ESF1: variants seen among roughly 807,000 people sequenced by gnomAD.
The protein encoded by ESF1 is ESF1 homolog.
Under a neutral mutation model 92.0 loss-of-function variants are expected in ESF1, and 58 were observed. The observed-to-expected ratio is 0.63, with a 90% CI of 0.51 to 0.78. ESF1 has a LOEUF of 0.78. ESF1 is among the 30% of genes least tolerant of loss of function. The pLI, the probability that ESF1 is intolerant of heterozygous loss-of-function variation, is 0.00. For synonymous variants in ESF1, 321 were observed against 313.7 expected (o/e 1.02, Z -0.24); for missense variants, 922 against 989.1 (o/e 0.93, Z 0.91).
intron 9 of ESF1, among the ~76,000 whole-genome samples, chr20:13,756,776 A>G (rs1978917322): frequency 6.6e-6 from 1 of 152,330 alleles, no homozygotes; most frequent in East Asian, 1.9e-4. Context: ...AATGCTAGGC[A>G]TCAGCTTCTC....
chr20:13,775,076 T>C, intron 4 of ESF1, 81 bp downstream of exon 4: 3 of 858,992 alleles, frequency 3.5e-6, no homozygotes, highest in East Asian at 2.7e-5. Context: ...AAAGGAAAAC[T>C]ATGGCCAAAA....
In ESF1 at chr20:13,722,917, T is replaced by C. The variant is rs189679999; in HGVS notation, c.2039-3933A>G. Among the ~76,000 whole-genome samples the C allele has an allele frequency of 1.8e-3, 273 of 152,168 alleles. 1 individual carries two copies. Among genetic ancestry groups the C allele is most frequent in the Non-Finnish European group, 2.0e-3 (137 of 68,000 alleles). On this transcript the variant is annotated intron_variant, in intron 11 of 13. Coordinates refer to ENST00000617257, the MANE Select transcript of ESF1 (RefSeq NM_001276380.2). ...GACTGCTGCAAAAAATACATATGGA[T>C]TGATTCTATTAAGTCAATACTAACA...
chr20:13,719,561 G>A (rs559279832), intron 11 of ESF1, among the ~76,000 whole-genome samples: 3 of 147,982 alleles, frequency 2.0e-5, no homozygotes, highest in African/African-American at 7.4e-5. Flanking sequence ...AACTGCTGTT[G>A]AGCAATTTGT....
intron 10 of ESF1, among the ~76,000 whole-genome samples, chr20:13,728,784 T>C (rs537304568): frequency 6.6e-6 from 1 of 151,920 alleles, no homozygotes; most frequent in African/African-American, 2.4e-5. Flanking sequence ...GGAGAATCAC[T>C]TGAACCCAGG....
chr20:13,720,179 A>T (rs543790286), intron 11 of ESF1, among the ~76,000 whole-genome samples: 1 of 152,174 alleles, frequency 6.6e-6, no homozygotes, highest in Non-Finnish European at 1.5e-5. Context: ...CTTTCCTTGT[A>T]CCCAAGCTGT....
Position 13,779,218 on chromosome 20 carries a change from C to CA in ESF1, c.638-2949dup, listed in dbSNP as rs200137216. ...TTATCCAGCTACTTCAAACAAAAAA[C>CA]AAAAAAAAACCAAAAAAACTGCTTT... is the stretch of plus-strand genomic sequence containing the variant. On this transcript the variant is annotated intron_variant, in intron 2 of 13. Coordinates refer to ENST00000617257, the MANE Select transcript of ESF1 (RefSeq NM_001276380.2). Among the ~76,000 whole-genome samples, 329 of 149,478 alleles carry CA rather than the reference C, an allele frequency of 2.2e-3. 1 individual carries two copies. The highest frequency in any genetic ancestry group is 0.01 in the Middle Eastern group (3 of 290).
At chr20:13,778,671 G>T (rs1980050578) in intron 2 of ESF1, among the ~76,000 whole-genome samples, 1 of 152,092 alleles carries the variant, frequency 6.6e-6, no homozygotes, top group South Asian at 2.1e-4. Context: ...TAATAATAAA[G>T]TGTTGCATAA....
chr20:13,715,639 C>T (rs1568705541), intron 13 of ESF1, among the ~76,000 whole-genome samples: 1 of 152,066 alleles, frequency 6.6e-6, no homozygotes, highest in Non-Finnish European at 1.5e-5. Flanking sequence ...TGAAGGTGAT[C>T]CATGGATCAA....
chr20:13,717,303 A>G lies in ESF1; in HGVS notation c.2262+65T>C, dbSNP rs574181076. 1.0e-3 allele frequency: 1,564 copies of G among 1,568,742 alleles called. 2 individuals are homozygous for G. The highest frequency in any genetic ancestry group is 1.2e-3 in the Non-Finnish European group (1,402 of 1,148,526). On this transcript the variant is annotated intron_variant, in intron 13 of 13. Transcript: ENST00000617257. ...GTAACTTTGACTATGCTCAATTTCT[A>G]TCTGCAGAGCTGACTTTAGATTCAA... is the stretch of plus-strand genomic sequence containing the variant.
At chr20:13,756,074 C>A (rs548507215) in intron 9 of ESF1, among the ~76,000 whole-genome samples, 1 of 152,284 alleles carries the variant, frequency 6.6e-6, no homozygotes, top group Admixed American at 6.5e-5. Context: ...ACAGAAAACA[C>A]ACATTTCTTA....
At chr20:13,766,121 T>G (rs897489611) in intron 8 of ESF1, among the ~76,000 whole-genome samples, 1 of 152,218 alleles carries the variant, frequency 6.6e-6, no homozygotes, top group Non-Finnish European at 1.5e-5. Context: ...GATTAAAAAT[T>G]TAAGAGTAGA....
At chr20:13,784,335 T>C (rs1042451088) in intron 1 of ESF1, among the ~76,000 whole-genome samples, 5 of 140,194 alleles carry the variant, frequency 3.6e-5, no homozygotes, top group African/African-American at 1.3e-4. Flanking sequence ...AAAAATCAAG[T>C]CCTTTTAATT....
At chr20:13,717,244 G>A in intron 13 of ESF1, 124 bp downstream of exon 13, 1 of 1,162,084 alleles carries the variant, frequency 8.6e-7, no homozygotes, top group Non-Finnish European at 1.2e-6. Flanking sequence ...ATAGGCGTGA[G>A]CCACTGCACC....
intron 2 of ESF1, among the ~76,000 whole-genome samples, chr20:13,781,579 A>G (rs1980190526): frequency 6.6e-6 from 1 of 152,168 alleles, no homozygotes; most frequent in Admixed American, 6.5e-5. Context: ...TCACCAAGCC[A>G]TGCACTCTGG....
intron 8 of ESF1, among the ~76,000 whole-genome samples, chr20:13,760,529 G>A (rs186398814): frequency 0.017 from 2,511 of 145,044 alleles, 19 homozygotes; most frequent in Non-Finnish European, 0.024. Context: ...CAGCCACCCC[G>A]TCTGAGAAGT....
chr20:13,767,081 T>C (rs1979462907), intron 7 of ESF1, among the ~76,000 whole-genome samples, 157 bp from the exon 8 acceptor site: 1 of 152,168 alleles, frequency 6.6e-6, no homozygotes, highest in Non-Finnish European at 1.5e-5. Flanking sequence ...ATAAATAGTA[T>C]CCTATTTGTG....
intron 4 of ESF1, among the ~76,000 whole-genome samples, chr20:13,774,824 T>C (rs920698963): frequency 1.3e-5 from 2 of 152,232 alleles, no homozygotes; most frequent in Non-Finnish European, 2.9e-5. Flanking sequence ...GTTTTGTTTC[T>C]AGTATAATTA....
chr20:13,748,533 CAT>C (rs1223573521), intron 9 of ESF1, among the ~76,000 whole-genome samples: 13 of 121,846 alleles, frequency 1.1e-4, no homozygotes, highest in African/African-American at 3.1e-4. Context: ...TATATATACA[CAT>C]ATATATGTGT....
Position 13,783,062 on chromosome 20 carries a change from C to G in ESF1, c.79G>C (p.Glu27Gln). 6.2e-7 allele frequency: 1 copy of G among 1,613,932 alleles called. No individual in the cohort carries two copies. Residue 27 changes from glutamate to glutamine, a missense_variant, in exon 2 of 14, where the codon GAA becomes CAA. Transcript: ENST00000617257. ...AKDPRFWEMP[E>Q]KDRKVKIDKR... ...TCAATTTTGACTTTTCGATCCTTTT[C>G]TGGCATTTCCCAAAATCTCGGGTCC...
Sources: gnomAD v4.1 joint callset for allele counts (sites outside exome capture counted in the v4.1 genomes callset) on GRCh38, gnomAD v4.1.1 for gene constraint, MANE v1.5 for transcripts, NCBI Gene and HGNC (gene_info 2026-07-23, HGNC 2026-07-21) for gene names.